The following PLEC variants were observed in gnomAD, a reference collection of about 807,000 sequenced individuals.
The protein encoded by PLEC is plectin.
PLEC carries 216 observed loss-of-function variants against 392.8 expected under a neutral mutation model. The ratio of observed to expected loss-of-function variants is 0.55; its 90% CI spans 0.49 to 0.62. The LOEUF (loss-of-function observed/expected upper bound fraction) is 0.62, where lower values mean the gene tolerates loss of function less well. Among genes scored for constraint, PLEC ranks in the 20% least tolerant of loss-of-function variants. The pLI is 0.00. For missense variants in PLEC, 6,863 were observed against 6,563.4 expected (o/e 1.05, Z -1.58); for synonymous variants, 3,621 against 2,980.6 (o/e 1.21, Z -7.00).
rs1820382701 is a variant in PLEC, at chr8:143,915,982, G to A, written c.*195C>T. 2.3e-5 allele frequency: 11 copies of A among 475,758 alleles called. No individual in the cohort carries two copies. In the South Asian group the frequency reaches 3.5e-4, roughly 15 times the overall value. The allele number at this position is 475,758 out of a possible 1,614,324, so 29.5% of individuals were successfully genotyped here. ...ACCCGAGGGGGTGAGGCGGCCAGCAGGGCTGGGCCAGCCCTGTCCCCCAAG... is the reference window on the plus strand; with the variant it reads ...ACCCGAGGGGGTGAGGCGGCCAGCAAGGCTGGGCCAGCCCTGTCCCCCAAG... On this transcript the variant is annotated 3_prime_UTR_variant, in exon 32 of 32. Coordinates refer to ENST00000345136, the MANE Select transcript of PLEC (RefSeq NM_201384.3).
At chr8:143,972,749 C>T (rs868919176) in intron 1 of PLEC, among the ~76,000 whole-genome samples, 30 of 152,216 alleles carry the variant, frequency 2.0e-4, no homozygotes, top group Admixed American at 1.8e-3. Context: ...GCCGGTGGGA[C>T]CAGGACCTGG....
chr8:143,973,617 G>GCGGGGC (rs1340776455), upstream of PLEC: 2 of 811,142 alleles, frequency 2.5e-6, no homozygotes, highest in African/African-American at 1.9e-5. This position sits in a 1 kb window ranked among gnomAD's most constrained non-coding sequence, Gnocchi z 5.6. Context: ...CACGGGCGGG[G>GCGGGGC]CGGGGCCGGG....
chr8:143,975,384 G>A (rs782296752), upstream of PLEC: 23 of 1,602,754 alleles, frequency 1.4e-5, no homozygotes, highest in Middle Eastern at 6.6e-4. The surrounding 1 kb of genome is among the most constrained non-coding windows in gnomAD (Gnocchi z 9.9). Flanking sequence ...TCCTGGAAGG[G>A]GAGCAGGAGG....
chr8:143,948,786 G>C (rs1262563819), intron 1 of PLEC, among the ~76,000 whole-genome samples: 1 of 152,238 alleles, frequency 6.6e-6, no homozygotes, highest in African/African-American at 2.4e-5. Flanking sequence ...AAGGAGGGGA[G>C]GGACTCCCAG....
At chr8:143,950,860 C>T (rs1481158883) in exon 1 of PLEC, 39 of 1,424,814 alleles carry the variant, frequency 2.7e-5, no homozygotes, top group Admixed American at 4.8e-5. Context: ...GGGTGCTGAG[C>T]GTGAGGGCGC....
chr8:143,933,703 C>G (rs1032149297), intron 12 of PLEC, among the ~76,000 whole-genome samples: 2 of 152,222 alleles, frequency 1.3e-5, no homozygotes, highest in Non-Finnish European at 2.9e-5. Context: ...CCTCCCCCAA[C>G]CCCTCCCCTA....
In PLEC at chr8:143,924,689, G is replaced by A. The variant is rs782103588; in HGVS notation, c.5240C>T (p.Thr1747Met). ...GGCTTCCAGCTCCTGCCGTTTCTGC[G>A]TGGCTGCAGCCGCCTCACGCTGCAG... is the stretch of plus-strand genomic sequence containing the variant. ...ARLQREAAAA[T>M]QKRQELEAEL... Residue 1747 changes from threonine to methionine, a missense_variant, in exon 31 of 32, where the codon ACG becomes ATG. Transcript: ENST00000345136. The A allele has an allele frequency of 2.9e-4, 446 of 1,534,428 alleles. No individual in the cohort carries two copies. Among genetic ancestry groups the A allele is most frequent in the Non-Finnish European group, 3.8e-4 (432 of 1,146,294 alleles).
chr8:143,961,537 T>G (rs1421295393), intron 1 of PLEC, among the ~76,000 whole-genome samples: 3 of 152,188 alleles, frequency 2.0e-5, no homozygotes, highest in African/African-American at 4.8e-5. Flanking sequence ...AATTCCCTTT[T>G]TAACAACAGT....
chr8:143,938,721 G>A (rs1554725982), intron 1 of PLEC, 29 bp from the exon 2 acceptor site: 1 of 1,610,232 alleles, frequency 6.2e-7, no homozygotes, highest in Non-Finnish European at 8.5e-7. Flanking sequence ...GCTTACCTGG[G>A]GCCTGGGAGA....
chr8:143,969,767 T>C lies in PLEC; in HGVS notation c.70+3636A>G, dbSNP rs992090756. Among the ~76,000 whole-genome samples the C allele has an allele frequency of 3.3e-5, 5 of 151,324 alleles. No individual in the cohort carries two copies. The highest frequency in any genetic ancestry group is 1.2e-4 in the African/African-American group (5 of 41,094). ...CCTGGGCAGCTGGGGATAGAGACTT[T>C]AGGTTGTCATGTTAGGGATGGGAGT... On this transcript the variant is annotated intron_variant, in intron 1 of 31. Coordinates refer to the PLEC transcript ENST00000356346. This position sits in a 1 kb window ranked among gnomAD's most constrained non-coding sequence, Gnocchi z 5.1.
intron 1 of PLEC, chr8:143,945,177 C>G (rs782340589): frequency 2.1e-6 from 1 of 466,940 alleles, no homozygotes; most frequent in Admixed American, 2.5e-5. Flanking sequence ...CCTGGCCCCA[C>G]CGGTGGCCGG....
Position 143,923,376 on chromosome 8 carries a change from C to A in PLEC, c.6553G>T (p.Glu2185Ter). ...AGCCGCAGTGTTGTCAGCTCCTGCTCCACCTGCGCCTTCTGCCGCAGCGTC... is the reference window on the plus strand; with the variant it reads ...AGCCGCAGTGTTGTCAGCTCCTGCTACACCTGCGCCTTCTGCCGCAGCGTC... ...EQTLRQKAQV[E>*]QELTTLRLQL... Residue 2185 changes from glutamate to a stop codon, truncating the protein, a stop_gained, in exon 31 of 32, where the codon GAG becomes TAG. Transcript: ENST00000345136. LOFTEE classifies it high-confidence loss of function. 6.2e-7 allele frequency: 1 copy of A among 1,610,538 alleles called. No homozygotes were observed. The highest frequency in any genetic ancestry group is 2.2e-5 in the East Asian group (1 of 44,800).
In PLEC at chr8:143,929,518, G is replaced by A. The variant is rs373993300; in HGVS notation, c.2977C>T (p.Arg993Trp). 2.6e-5 allele frequency: 42 copies of A among 1,612,370 alleles called. No homozygotes were observed. The highest frequency in any genetic ancestry group is 3.3e-4 in the Middle Eastern group (2 of 6,020). ...GTCTCACAGGCCTCCAGCTGCAGCC[G>A]GATGTCTTTGAGCTCGGAGATGCAG... ...QRCISELKDI[R>W]LQLEACETRT... is the part of the protein sequence containing the mutation. Residue 993 changes from arginine to tryptophan, a missense_variant, in exon 24 of 32, where the codon CGG becomes TGG. Arg to Trp is a moderately radical substitution (Grantham distance 101). Coordinates refer to ENST00000345136, the MANE Select transcript of PLEC (RefSeq NM_201384.3).
At position 143,921,985 on chromosome 8, in the gene PLEC, T is replaced by G. The variant is rs1010141812; in HGVS notation, c.7836A>C (p.Ser2612=). ...EEQHRAALAH[S]EEVTASQVAA... is the part of the protein sequence containing the mutation. ...CCACCTGCGAGGCAGTGACCTCCTC[T>G]GAGTGCGCCAGCGCGGCCCGGTGCT... is the stretch of plus-strand genomic sequence containing the variant. The change falls in exon 32 of 32, where the codon TCA becomes TCC. Residue 2612 remains serine, a synonymous_variant. Transcript: ENST00000345136. 3.1e-6 allele frequency: 5 copies of G among 1,598,676 alleles called. No individual in the cohort carries two copies. Among genetic ancestry groups the G allele is most frequent in the Non-Finnish European group, 4.2e-6 (5 of 1,179,728 alleles).
At chr8:143,944,923 C>G (rs142491285) in intron 1 of PLEC, among the ~76,000 whole-genome samples, 1,531 of 152,268 alleles carry the variant, frequency 0.01, 84 homozygotes, top group Admixed American at 0.092. Flanking sequence ...GCACCCAGGC[C>G]CCGCTGCAGT....
chr8:143,920,261 CCT>C lies in PLEC; in HGVS notation c.9558_9559del (p.Glu3188AlafsTer44), dbSNP rs1554681167. 6 of 1,597,532 alleles carry C rather than the reference CCT, an allele frequency of 3.8e-6. No homozygotes were observed. Among genetic ancestry groups the C allele is most frequent in the South Asian group, 1.1e-5 (1 of 90,324 alleles). ...GAGCTCGCCGTAGGTGGCCGGCTCC[CCT>C]GTGCTGGGGTCACTGTAGGCCTTGG... On this transcript the variant is annotated frameshift_variant, in exon 32 of 32. Transcript: ENST00000345136. LOFTEE classifies it high-confidence loss of function.
chr8:143,933,869 G>T, intron 12 of PLEC, 129 bp downstream of exon 12: 1 of 753,308 alleles, frequency 1.3e-6, no homozygotes, highest in Non-Finnish European at 2.2e-6. Context: ...CCCACCACAT[G>T]CCCCGCCCCT....
chr8:143,958,545 A>C, upstream of PLEC: 1 of 381,568 alleles, frequency 2.6e-6, no homozygotes, highest in Non-Finnish European at 5.6e-6. This position sits in a 1 kb window ranked among gnomAD's most constrained non-coding sequence, Gnocchi z 4.9. Flanking sequence ...TGGCCTGGCC[A>C]CCACCCTTTC....
upstream of PLEC, chr8:143,953,789 G>A: frequency 6.2e-7 from 1 of 1,611,744 alleles, no homozygotes; most frequent in Non-Finnish European, 8.5e-7. Flanking sequence ...CCGGGGCTGA[G>A]GGCGGCTGTG....
Sources: allele counts gnomAD v4.1 joint callset (sites outside exome capture counted in the v4.1 genomes callset), GRCh38; gene constraint gnomAD v4.1.1; non-coding constraint Gnocchi (gnomAD v3.1); transcripts MANE v1.5; gene names NCBI Gene and HGNC (gene_info 2026-07-23, HGNC 2026-07-21).